SCFD1: variants seen among roughly 807,000 people sequenced by gnomAD.
SCFD1 encodes the protein sec1 family domain containing 1.
In SCFD1, 37 loss-of-function variants were observed where a neutral mutation model predicts 103.2. The observed-to-expected ratio is 0.36, with a 90% CI of 0.28 to 0.47. The LOEUF (loss-of-function observed/expected upper bound fraction) is 0.47. Ranked by LOEUF, SCFD1 falls within the 20% of genes least tolerant of loss-of-function variation. The pLI is 1.00. For synonymous variants in SCFD1, 264 were observed against 245.0 expected, an observed-to-expected ratio of 1.08 and a Z score of -0.73; for missense variants, 639 against 761.2, an observed-to-expected ratio of 0.84 and a Z score of 1.89.
chr14:30,639,161 G>C (rs1203802253), intron 5 of SCFD1, among the ~76,000 whole-genome samples: 1 of 151,984 alleles, frequency 6.6e-6, no homozygotes, highest in Non-Finnish European at 1.5e-5. Flanking sequence ...TCCTGGGCTC[G>C]TACCACCCCA....
At position 30,718,855 on chromosome 14, in the gene SCFD1, T is replaced by A. The variant is rs1028736620; in HGVS notation, c.1684-470T>A. ...TGAGAGTGCTATGATTGATTAGCAG[T>A]GTCCACCCCATTGGGTACAGGACTA... On this transcript the variant is annotated intron_variant, in intron 20 of 24. Transcript: ENST00000458591. Among the ~76,000 whole-genome samples the A allele has an allele frequency of 2.0e-5, 3 of 152,210 alleles. 1 individual carries two copies. The highest frequency in any genetic ancestry group is 4.4e-5 in the Non-Finnish European group (3 of 68,032).
At chr14:30,683,371 A>C in intron 14 of SCFD1, 1 of 553,504 alleles carries the variant, frequency 1.8e-6, no homozygotes, top group Non-Finnish European at 3.3e-6. Context: ...TTATGCTTAT[A>C]CCTCAGGTCT....
chr14:30,669,701 A>T (rs977449061), intron 10 of SCFD1: 4 of 152,184 alleles, frequency 2.6e-5, no homozygotes, highest in Admixed American at 6.6e-5. Flanking sequence ...TGTAATTTTT[A>T]AAATTGCAGT....
chr14:30,711,191 A>G (rs1384439918), intron 19 of SCFD1, among the ~76,000 whole-genome samples: 1 of 152,242 alleles, frequency 6.6e-6, no homozygotes, highest in Admixed American at 6.5e-5. Flanking sequence ...TCCCTCCTTT[A>G]AAAATGAATT....
chr14:30,667,548 C>T lies in SCFD1; in HGVS notation c.856-2708C>T, dbSNP rs188873178. On this transcript the variant is annotated intron_variant, in intron 10 of 24. Transcript: ENST00000458591. Reference sequence around the variant, plus strand: ...CTTATTCAACATAGTGTTGGAAGTTCTGGCCAGGGCAGTCAGGCAAGAGAA... The same window carrying T: ...CTTATTCAACATAGTGTTGGAAGTTTTGGCCAGGGCAGTCAGGCAAGAGAA... Among the ~76,000 whole-genome samples, 40 of 152,270 alleles carry T rather than the reference C, an allele frequency of 2.6e-4. 1 individual carries two copies. In the East Asian group the frequency reaches 6.2e-3, roughly 24 times the overall value.
intron 23 of SCFD1, among the ~76,000 whole-genome samples, chr14:30,724,605 T>C (rs1430722266): frequency 3.3e-5 from 5 of 152,164 alleles, no homozygotes; most frequent in African/African-American, 4.8e-5. Context: ...ATTAGACCTT[T>C]GCTGGATGCA....
chr14:30,707,692 A>T (rs1371049902), intron 18 of SCFD1: 1 of 355,458 alleles, frequency 2.8e-6, no homozygotes, highest in East Asian at 6.8e-5. Context: ...CAAAAAAAAA[A>T]TATAGCTAAG....
intron 24 of SCFD1, 83 bp downstream of exon 24, chr14:30,734,941 C>T (rs1350143532): frequency 3.5e-6 from 4 of 1,133,690 alleles, no homozygotes; most frequent in Non-Finnish European, 5.2e-6. Context: ...AAGAAAACCA[C>T]TTACTCACCT....
intron 10 of SCFD1, 99 bp from the exon 11 acceptor site, chr14:30,670,157 A>G: frequency 1.1e-6 from 1 of 905,926 alleles, no homozygotes; most frequent in Non-Finnish European, 1.7e-6. Flanking sequence ...TAAATTTCAG[A>G]TCTATATTTT....
chr14:30,703,545 T>A (rs955341696), intron 17 of SCFD1, among the ~76,000 whole-genome samples: 2 of 151,334 alleles, frequency 1.3e-5, no homozygotes, highest in Non-Finnish European at 1.5e-5. Context: ...ACAAAAACTA[T>A]TACCTTCAAA....
intron 19 of SCFD1, among the ~76,000 whole-genome samples, chr14:30,714,807 C>T (rs1213932106): frequency 6.6e-6 from 1 of 152,184 alleles, no homozygotes; most frequent in African/African-American, 2.4e-5. Flanking sequence ...CTCTTCAGAA[C>T]ATCCTGTACA....
intron 23 of SCFD1, among the ~76,000 whole-genome samples, chr14:30,727,566 G>A (rs1893135900): frequency 6.6e-6 from 1 of 150,878 alleles, no homozygotes; most frequent in African/African-American, 2.5e-5. Context: ...CAGGTCTTAT[G>A]GGCATCTGTA....
Position 30,643,366 on chromosome 14 carries a change from A to T in SCFD1, c.574A>T (p.Thr192Ser). 1 of 1,613,674 alleles carries T rather than the reference A, an allele frequency of 6.2e-7. No homozygotes were observed. Among genetic ancestry groups the T allele is most frequent in the Non-Finnish European group, 8.5e-7 (1 of 1,179,650 alleles). ...TDTEMETVMD[T>S]IVDSLFCFFV... ...CACGGAAATGGAAACTGTTATGGAC[A>T]CTATAGTTGACAGCCTCTTCTGCTT... The change falls in exon 7 of 25, where the codon ACT becomes TCT. Residue 192 changes from threonine (T) to serine (S), a missense_variant. Thr to Ser is a moderately conservative substitution (Grantham distance 58). Transcript: ENST00000458591.
At chr14:30,651,490 G>C (rs1017239688) in intron 9 of SCFD1, among the ~76,000 whole-genome samples, 2 of 151,438 alleles carry the variant, frequency 1.3e-5, no homozygotes, top group African/African-American at 2.4e-5. Context: ...ATGGTTCTAT[G>C]ATTTCATTTC....
chr14:30,656,337 A>T (rs1886898604), intron 10 of SCFD1, among the ~76,000 whole-genome samples: 1 of 152,206 alleles, frequency 6.6e-6, no homozygotes, highest in Non-Finnish European at 1.5e-5. Context: ...GAAGTTAATG[A>T]TGCAGGAGAT....
chr14:30,675,693 T>TGCTTG (rs1888974746), intron 14 of SCFD1, among the ~76,000 whole-genome samples: 2 of 152,228 alleles, frequency 1.3e-5, no homozygotes, highest in African/African-American at 4.8e-5. Flanking sequence ...ATTGACCATA[T>TGCTTG]GCTAAAACTT....
intron 7 of SCFD1, chr14:30,644,042 T>A (rs146501845): frequency 4.0e-4 from 178 of 449,560 alleles, no homozygotes; most frequent in African/African-American, 3.4e-3. Context: ...TCTATTATTC[T>A]CATCTTTGTG....
At chr14:30,684,480 GATATA>G (rs1456646357) in intron 14 of SCFD1, among the ~76,000 whole-genome samples, 6 of 152,144 alleles carry the variant, frequency 3.9e-5, no homozygotes, top group Admixed American at 6.5e-5. Context: ...ATGTTAATTT[GATATA>G]ATATAAATTG....
At chr14:30,713,384 G>C (rs1012988085) in intron 19 of SCFD1, among the ~76,000 whole-genome samples, 1 of 138,460 alleles carries the variant, frequency 7.2e-6, no homozygotes, top group African/African-American at 3.5e-5. Flanking sequence ...ATACGAAAGA[G>C]TTGTCTCTGA....
Sources: allele counts gnomAD v4.1 joint callset (sites outside exome capture counted in the v4.1 genomes callset), GRCh38; gene constraint gnomAD v4.1.1; transcripts MANE v1.5; gene names NCBI Gene and HGNC (gene_info 2026-07-23, HGNC 2026-07-21).